Variants in NELL1 observed in about 807,000 individuals in gnomAD.
The protein encoded by NELL1 is protein kinase C-binding protein NELL1.
NELL1 carries 76 observed loss-of-function variants against 107.4 expected under a neutral mutation model. The observed-to-expected ratio is 0.71, with a 90% CI of 0.59 to 0.86. NELL1 has a LOEUF of 0.86. NELL1 is among the 40% of genes least tolerant of loss of function. The pLI is 0.00. For missense variants in NELL1, 1,024 were observed against 1,005.5 expected, an observed-to-expected ratio of 1.02 and a Z score of -0.25; for synonymous variants, 353 against 341.2, an observed-to-expected ratio of 1.03 and a Z score of -0.38.
intron 12 of NELL1, among the ~76,000 whole-genome samples, chr11:21,099,573 A>G (rs1854752825): frequency 6.6e-6 from 1 of 152,142 alleles, no homozygotes; most frequent in Non-Finnish European, 1.5e-5. Flanking sequence ...CCTTTGAACC[A>G]AAAAAATGAG....
At chr11:21,272,487 G>A (rs1848761573) in intron 14 of NELL1, among the ~76,000 whole-genome samples, 1 of 152,230 alleles carries the variant, frequency 6.6e-6, no homozygotes, top group African/African-American at 2.4e-5. Flanking sequence ...GCAAGGCACA[G>A]CCAAAGAAAA....
chr11:21,086,894 C>T (rs964368710), intron 12 of NELL1, among the ~76,000 whole-genome samples: 14 of 136,892 alleles, frequency 1.0e-4, no homozygotes, highest in East Asian at 2.3e-4. Context: ...TGCAGTGGAA[C>T]GATCTCGGCT....
At chr11:20,956,910 A>G (rs932511393) in intron 11 of NELL1, among the ~76,000 whole-genome samples, 6 of 152,138 alleles carry the variant, frequency 3.9e-5, no homozygotes, top group Admixed American at 2.6e-4. Flanking sequence ...GATGTTACCT[A>G]TTCCTTCTAG....
At chr11:20,833,688 T>A (rs920439560) in intron 3 of NELL1, among the ~76,000 whole-genome samples, 1 of 152,024 alleles carries the variant, frequency 6.6e-6, no homozygotes, top group African/African-American at 2.4e-5. Flanking sequence ...AAAAACCCTA[T>A]GTGGTGGTGG....
At chr11:21,116,080 A>G (rs182271349) in intron 13 of NELL1, among the ~76,000 whole-genome samples, 327 of 152,044 alleles carry the variant, frequency 2.2e-3, no homozygotes, top group African/African-American at 7.4e-3. Context: ...CTCCAGTCAG[A>G]CTTCCATACT....
intron 12 of NELL1, among the ~76,000 whole-genome samples, chr11:21,050,171 CCTT>C (rs1382558591): frequency 1.3e-5 from 2 of 152,106 alleles, no homozygotes; most frequent in African/African-American, 4.8e-5. Flanking sequence ...TTGCCCCACT[CCTT>C]CTTAGCACAT....
At chr11:20,918,783 T>C (rs549127171) in intron 6 of NELL1, among the ~76,000 whole-genome samples, 4 of 151,970 alleles carry the variant, frequency 2.6e-5, no homozygotes, top group African/African-American at 9.7e-5. Context: ...GAGATTTGAG[T>C]GGGGATGCAG....
intron 12 of NELL1, among the ~76,000 whole-genome samples, chr11:21,070,465 C>A (rs925546285): frequency 2.0e-5 from 3 of 152,056 alleles, no homozygotes; most frequent in Non-Finnish European, 2.9e-5. Flanking sequence ...ATTAGAAAAC[C>A]AGATGTTGGG....
intron 2 of NELL1, 134 bp downstream of exon 2, chr11:20,678,194 A>T: frequency 1.0e-6 from 1 of 968,940 alleles, no homozygotes; most frequent in Non-Finnish European, 1.6e-6. Flanking sequence ...GAGTGTTTAG[A>T]TATGCAGGGG....
At chr11:21,138,838 T>A (rs559651354) in intron 13 of NELL1, among the ~76,000 whole-genome samples, 9 of 152,216 alleles carry the variant, frequency 5.9e-5, no homozygotes, top group African/African-American at 2.2e-4. Flanking sequence ...CTTTGTGAAG[T>A]GTTAGTGTAA....
chr11:21,502,991 T>C lies in NELL1; in HGVS notation c.1646-31383T>C, dbSNP rs76132039. Among the ~76,000 whole-genome samples the C allele has an allele frequency of 0.017, 2,549 of 152,286 alleles. 199 individuals carry two copies. In the East Asian group the frequency reaches 0.26, roughly 16 times the overall value. ...TCCGCCTCCCGGGTTCAAGTGATTCTCCTGCCTCAACCTCCCGAGTAGCTG... is the reference window on the plus strand; with the variant it reads ...TCCGCCTCCCGGGTTCAAGTGATTCCCCTGCCTCAACCTCCCGAGTAGCTG... On this transcript the variant is annotated intron_variant, in intron 15 of 19. Coordinates refer to ENST00000357134, the MANE Select transcript of NELL1 (RefSeq NM_006157.5).
chr11:21,336,546 C>T (rs1565174454), intron 14 of NELL1, among the ~76,000 whole-genome samples: 1 of 151,676 alleles, frequency 6.6e-6, no homozygotes, highest in Non-Finnish European at 1.5e-5. Flanking sequence ...TGGATTTGCT[C>T]AAGATCATAA....
At chr11:20,803,406 T>G (rs1049123370) in intron 3 of NELL1, among the ~76,000 whole-genome samples, 4 of 152,212 alleles carry the variant, frequency 2.6e-5, no homozygotes, top group Non-Finnish European at 5.9e-5. Flanking sequence ...TAATGTCTCC[T>G]ATTTCGTCTC....
At chr11:21,167,399 A>G (rs1053996965) in intron 13 of NELL1, among the ~76,000 whole-genome samples, 1 of 151,816 alleles carries the variant, frequency 6.6e-6, no homozygotes, top group Non-Finnish European at 1.5e-5. Flanking sequence ...GGGATGGAAC[A>G]TTGTGGTTGG....
intron 12 of NELL1, among the ~76,000 whole-genome samples, chr11:20,983,604 C>T (rs1041796551): frequency 1.3e-5 from 2 of 152,162 alleles, no homozygotes; most frequent in Non-Finnish European, 2.9e-5. Flanking sequence ...CAGTCGATTA[C>T]CAGACTCACT....
Position 20,722,017 on chromosome 11 carries a change from CTCTT to C in NELL1, c.184+43959_184+43962del, listed in dbSNP as rs747142139. 5.9e-3 allele frequency among the ~76,000 whole-genome samples: 818 copies of C among 138,478 alleles called. 7 individuals are homozygous for C. The highest frequency in any genetic ancestry group is 9.7e-3 in the South Asian group (43 of 4,418). 90.8% of individuals were successfully genotyped at this position (138,478 alleles called of 152,430 possible). A position where few individuals can be genotyped will look rare whatever the true frequency, so the allele number is the denominator to read the frequency against. On this transcript the variant is annotated intron_variant, in intron 2 of 19. Coordinates refer to ENST00000357134, the MANE Select transcript of NELL1 (RefSeq NM_006157.5). ...CATGTTACTTGACCTTTCTGAGTCT[CTCTT>C]TTTTTTTTTTTTTTTTTGAGACAAA...
chr11:20,769,527 A>C (rs1856600108), intron 2 of NELL1: 1 of 152,318 alleles, frequency 6.6e-6, no homozygotes, highest in Admixed American at 6.5e-5. Context: ...GACTGAGTCC[A>C]TCTTAATCAC....
chr11:21,362,519 T>C (rs1009453156), intron 14 of NELL1, among the ~76,000 whole-genome samples: 5 of 152,164 alleles, frequency 3.3e-5, no homozygotes, highest in African/African-American at 1.2e-4. Flanking sequence ...CGACTTCTGG[T>C]TAGCCAAGAT....
intron 2 of NELL1, among the ~76,000 whole-genome samples, chr11:20,724,418 G>C (rs913950702): frequency 6.6e-6 from 1 of 152,086 alleles, no homozygotes; most frequent in Admixed American, 6.6e-5. Flanking sequence ...GAATAAGACA[G>C]GTCACCTCTT....
Sources: gnomAD v4.1 joint callset for allele counts (sites outside exome capture counted in the v4.1 genomes callset) on GRCh38, gnomAD v4.1.1 for gene constraint, MANE v1.5 for transcripts, NCBI Gene and HGNC (gene_info 2026-07-23, HGNC 2026-07-21) for gene names.